The following DDOST variants were observed in gnomAD, a reference collection of about 807,000 sequenced individuals.
DDOST encodes the protein dolichyl-diphosphooligosaccharide--protein glycosyltransferase 48 kDa subunit.
A neutral mutation model predicts 47.6 loss-of-function variants in DDOST; 25 were observed. The observed-to-expected ratio is 0.53, with a 90% CI of 0.38 to 0.73. DDOST has a LOEUF of 0.73. Among genes scored for constraint, DDOST ranks in the 30% least tolerant of loss-of-function variants. The probability of loss-of-function intolerance (pLI) is 0.00; values close to 1 mark genes in which losing one functional copy is unlikely to be tolerated. For synonymous variants in DDOST, 275 were observed against 236.0 expected (o/e 1.17, Z -1.51); for missense variants, 526 against 573.9 (o/e 0.92, Z 0.85).
chr1:20,652,049 TCTC>T lies in DDOST; in HGVS notation c.*327_*329del, dbSNP rs887024293. Reference sequence around the variant, plus strand: ...ACCGTGTTAGCCAGGATAGTCTCGATCTCCTGACCTCGTGAGCCGCCTGCCTCG... The same window carrying T: ...ACCGTGTTAGCCAGGATAGTCTCGATCTGACCTCGTGAGCCGCCTGCCTCG... On this transcript the variant is annotated 3_prime_UTR_variant, in exon 11 of 11. Coordinates refer to ENST00000602624, the MANE Select transcript of DDOST (RefSeq NM_005216.5). The T allele has an allele frequency of 2.1e-5, 4 of 191,582 alleles. No homozygotes were observed. The East Asian group carries it at 5.8e-4, about 28-fold the overall frequency. 11.9% of individuals were successfully genotyped at this position (191,582 alleles called of 1,614,324 possible). A position where few individuals can be genotyped will look rare whatever the true frequency, so the allele number is the denominator to read the frequency against.
At position 20,653,784 on chromosome 1, in the gene DDOST, G is replaced by A; in HGVS notation, c.795-10C>T. 1 of 1,609,988 alleles carries A rather than the reference G, an allele frequency of 6.2e-7. No homozygotes were observed. Among genetic ancestry groups the A allele is most frequent in the Non-Finnish European group, 8.5e-7 (1 of 1,177,276 alleles). ...GCCTGTCTGGGAATACCTGCAGGAG[G>A]GAAACAGGAGCAGCTTGGGCACCAG... On this transcript the variant is annotated splice_polypyrimidine_tract_variant and intron_variant, in intron 7 of 10. Coordinates refer to ENST00000602624, the MANE Select transcript of DDOST (RefSeq NM_005216.5).
At chr1:20,656,282 G>C (rs1037720934) in intron 2 of DDOST, 95 bp from the exon 3 acceptor site, 6 of 936,872 alleles carry the variant, frequency 6.4e-6, no homozygotes, top group East Asian at 2.5e-5. Context: ...GAGCAGCCAC[G>C]ATCACTCACA....
rs1376354195 is a variant in DDOST, at chr1:20,661,360, C to A, written c.-10G>T. ...CGGTGCTGGGCTCCATCTTCCTCCT[C>A]CTGCCGAAGGACCCAGCACGTGCAC... On this transcript the variant is annotated 5_prime_UTR_variant, in exon 1 of 11. Coordinates refer to ENST00000602624, the MANE Select transcript of DDOST (RefSeq NM_005216.5). The A allele has an allele frequency of 6.2e-7, 1 of 1,612,916 alleles. No homozygotes were observed. The highest frequency in any genetic ancestry group is 1.1e-5 in the South Asian group (1 of 90,996).
chr1:20,655,048 C>A (rs188026380), intron 5 of DDOST, among the ~76,000 whole-genome samples: 23 of 152,122 alleles, frequency 1.5e-4, no homozygotes, highest in African/African-American at 5.3e-4. Flanking sequence ...TTAGCAGAGA[C>A]GGGGTTTCAC....
intron 3 of DDOST, 65 bp downstream of exon 3, chr1:20,656,036 G>A: frequency 7.1e-7 from 1 of 1,407,154 alleles, no homozygotes. Context: ...GGCAGCTTCT[G>A]TTTGTAATGC....
chr1:20,659,467 TG>T (rs2053412994), intron 2 of DDOST, among the ~76,000 whole-genome samples: 1 of 152,136 alleles, frequency 6.6e-6, no homozygotes, highest in South Asian at 2.1e-4. Context: ...AAAAACAGAC[TG>T]AAAAAACTCC....
chr1:20,652,983 G>A lies in DDOST; in HGVS notation c.943-12C>T, dbSNP rs749852803. On this transcript the variant is annotated splice_polypyrimidine_tract_variant and intron_variant, in intron 8 of 10. Coordinates refer to ENST00000602624, the MANE Select transcript of DDOST (RefSeq NM_005216.5). ...ACGATGCTATACTCCTGAGATAAAA[G>A]GCCAGGTTAGCCAGGGCTGGCCATG... 6.8e-6 allele frequency: 11 copies of A among 1,614,070 alleles called. No individual in the cohort carries two copies. Among genetic ancestry groups the A allele is most frequent in the Middle Eastern group, 1.6e-4 (1 of 6,062 alleles).
chr1:20,654,072 G>A (rs2053333622), intron 7 of DDOST, 151 bp downstream of exon 7: 6 of 977,760 alleles, frequency 6.1e-6, no homozygotes, highest in Non-Finnish European at 8.9e-6. Context: ...CAGCAATATA[G>A]CAATAAAGCC....
In DDOST at chr1:20,652,978, T is replaced by A; in HGVS notation, c.943-7A>T. ...GGATCACGATGCTATACTCCTGAGA[T>A]AAAAGGCCAGGTTAGCCAGGGCTGG... On this transcript the variant is annotated splice_region_variant and splice_polypyrimidine_tract_variant and intron_variant, in intron 8 of 10. Transcript: ENST00000602624. The A allele has an allele frequency of 6.2e-7, 1 of 1,614,080 alleles. No homozygotes were observed. Among genetic ancestry groups the A allele is most frequent in the Non-Finnish European group, 8.5e-7 (1 of 1,179,960 alleles).
rs772770995 is a variant in DDOST, at chr1:20,656,175, T to C, written c.278A>G (p.Asn93Ser). The C allele has an allele frequency of 5.0e-6, 8 of 1,613,932 alleles. No homozygotes were observed. The highest frequency in any genetic ancestry group is 3.3e-5 in the Admixed American group (2 of 59,990). ...FSPSVEDFGG[N>S]INVETISAFI... ...GGCACTGATGGTCTCCACGTTGATG[T>C]TGCCTCCAAAATCTGAAAGCAGGCA... Residue 93 changes from asparagine to serine, a missense_variant, in exon 3 of 11, where the codon AAC (asparagine) becomes AGC (serine). By Grantham distance (46) the Asn-to-Ser change is conservative. Transcript: ENST00000602624.
Position 20,656,081 on chromosome 1 carries a change from A to G in DDOST, c.352+20T>C. ...CCCTGGAGAAGTGGAAAGCACCAGA[A>G]CCTCCCAGGTCGGACTCACCAATGT... On this transcript the variant is annotated intron_variant, in intron 3 of 10. Coordinates refer to ENST00000602624, the MANE Select transcript of DDOST (RefSeq NM_005216.5). 1.2e-6 allele frequency: 2 copies of G among 1,601,912 alleles called. No homozygotes were observed. The highest frequency in any genetic ancestry group is 1.7e-6 in the Non-Finnish European group (2 of 1,169,208).
intron 2 of DDOST, among the ~76,000 whole-genome samples, chr1:20,657,761 C>T (rs10799658): frequency 0.25 from 38,162 of 152,120 alleles, 5,066 homozygotes; most frequent in South Asian, 0.38. Context: ...TTCAGGCATA[C>T]GCAGAAGCTC....
rs11547742 is a variant in DDOST at position 20,655,530 on chromosome 1, G to A, written c.461C>T (p.Thr154Met). The part of the protein sequence containing the change: ...NYDISDLGQH[T>M]LIVADTENLL... ...GTTCTCAGTGTCAGCCACGATGAGCGTATGCTGCAAAGAGTAGATGGAAAG... is the reference window on the plus strand; with the variant it reads ...GTTCTCAGTGTCAGCCACGATGAGCATATGCTGCAAAGAGTAGATGGAAAG... The change falls in exon 5 of 11, where the codon ACG (threonine) becomes ATG (methionine). Residue 154 changes from threonine to methionine, a missense_variant. Transcript: ENST00000602624. The A allele has an allele frequency of 6.2e-6, 10 of 1,613,626 alleles. No homozygotes were observed. Among genetic ancestry groups the A allele is most frequent in the African/African-American group, 1.3e-5 (1 of 74,890 alleles).
intron 3 of DDOST, 38 bp downstream of exon 3, chr1:20,656,063 G>A (rs759848350): frequency 2.6e-6 from 4 of 1,540,236 alleles, no homozygotes; most frequent in Non-Finnish European, 3.6e-6. Flanking sequence ...ACTCCCTGGA[G>A]AAGTGGAAAG....
chr1:20,658,046 C>T (rs1214636134), intron 2 of DDOST, among the ~76,000 whole-genome samples: 1 of 152,232 alleles, frequency 6.6e-6, no homozygotes, highest in Non-Finnish European at 1.5e-5. Flanking sequence ...TAAAATTATC[C>T]AGTCTGAAAC....
At position 20,656,180 on chromosome 1, in the gene DDOST, T is replaced by C; in HGVS notation, c.273A>G (p.Gly91=). The C allele has an allele frequency of 6.2e-7, 1 of 1,613,862 alleles. No individual in the cohort carries two copies. The highest frequency in any genetic ancestry group is 8.5e-7 in the Non-Finnish European group (1 of 1,179,830). Residue 91 remains glycine, a synonymous_variant, in exon 3 of 11, where the codon GGA becomes GGG. Coordinates refer to ENST00000602624, the MANE Select transcript of DDOST (RefSeq NM_005216.5). ...IIFSPSVEDF[G]GNINVETISA... is the part of the protein sequence containing the mutation. ...TGATGGTCTCCACGTTGATGTTGCC[T>C]CCAAAATCTGAAAGCAGGCACCAGA...
chr1:20,654,830 CTT>C, intron 5 of DDOST, 123 bp from the exon 6 acceptor site: 1 of 681,892 alleles, frequency 1.5e-6, no homozygotes, highest in Non-Finnish European at 2.6e-6. Context: ...CCACTTAGCT[CTT>C]GTCTTGATAT....
At chr1:20,654,805 T>C (rs1460774890) in intron 5 of DDOST, 98 bp from the exon 6 acceptor site, 1 of 777,748 alleles carries the variant, frequency 1.3e-6, no homozygotes, top group African/African-American at 1.7e-5. Context: ...TGAATCCTTT[T>C]TTCTTAATTG....
At position 20,655,508 on chromosome 1, in the gene DDOST, C is replaced by T. The variant is rs2154534279; in HGVS notation, c.483G>A (p.Glu161=). 1 of 1,614,058 alleles carries T rather than the reference C, an allele frequency of 6.2e-7. No homozygotes were observed. Among genetic ancestry groups the T allele is most frequent in the East Asian group, 2.2e-5 (1 of 44,866 alleles). Residue 161 remains glutamate (E), a synonymous_variant, in exon 5 of 11, where the codon GAG becomes GAA. Transcript: ENST00000602624. ...CGATGGTTGGGGCCTTCAGCAGGTT[C>T]TCAGTGTCAGCCACGATGAGCGTAT... The part of the protein sequence containing the change: ...GQHTLIVADT[E]NLLKAPTIVG...
Sources: allele counts gnomAD v4.1 joint callset (sites outside exome capture counted in the v4.1 genomes callset), GRCh38; gene constraint gnomAD v4.1.1; transcripts MANE v1.5; gene names NCBI Gene and HGNC (gene_info 2026-07-23, HGNC 2026-07-21).